The following STPG2 variants were observed in gnomAD, a reference collection of about 807,000 sequenced individuals.
STPG2 encodes sperm-tail PG-rich repeat-containing protein 2.
Under a neutral mutation model 54.2 loss-of-function variants are expected in STPG2, and 56 were observed. The observed-to-expected ratio is 1.03, with a 90% confidence interval of 0.83 to 1.29. The LOEUF (loss-of-function observed/expected upper bound fraction) is 1.29. Among genes scored for constraint, STPG2 ranks in the 50% most tolerant of loss-of-function variants. STPG2 has a pLI of 0.00. For missense variants in STPG2, 596 were observed against 544.9 expected, an observed-to-expected ratio of 1.09 and a Z score of -0.93; for synonymous variants, 200 against 181.8, an observed-to-expected ratio of 1.10 and a Z score of -0.81.
At chr4:97,965,292 G>T (rs1271311206) in intron 7 of STPG2, among the ~76,000 whole-genome samples, 1 of 152,188 alleles carries the variant, frequency 6.6e-6, no homozygotes, top group Non-Finnish European at 1.5e-5. Context: ...AGGGGGAGGG[G>T]TGTCTGCCAT....
chr4:97,914,541 C>G (rs1731802552), intron 8 of STPG2, among the ~76,000 whole-genome samples: 1 of 152,128 alleles, frequency 6.6e-6, no homozygotes, highest in Non-Finnish European at 1.5e-5. Context: ...ACCTCCAAAA[C>G]TTTCCATCTT....
chr4:97,529,144 TGA>T (rs964140494), intron 4 of STPG2, among the ~76,000 whole-genome samples: 1 of 152,210 alleles, frequency 6.6e-6, no homozygotes, highest in African/African-American at 2.4e-5. Flanking sequence ...CTTATTATTT[TGA>T]GATACATTCC....
At chr4:97,708,007 A>G (rs571026503) in intron 10 of STPG2, among the ~76,000 whole-genome samples, 1 of 152,128 alleles carries the variant, frequency 6.6e-6, no homozygotes, top group Non-Finnish European at 1.5e-5. Flanking sequence ...ATGAGTGGTT[A>G]TGTTGAAATT....
In STPG2 at chr4:97,505,043, AT is replaced by A. The variant is rs532296659; in HGVS notation, c.462+207655del. On this transcript the variant is annotated intron_variant, in intron 4 of 4. Transcript: ENST00000522676. ...ACAAATGGTTGTCTGTTACAGTGGT[AT>A]TTTTTTTTTTCATTTAGATAATCTA... is the stretch of plus-strand genomic sequence containing the variant. Among the ~76,000 whole-genome samples, 196 of 148,114 alleles carry A rather than the reference AT, an allele frequency of 1.3e-3. 1 individual carries two copies. Among genetic ancestry groups the A allele is most frequent in the Admixed American group, 5.0e-3 (74 of 14,810 alleles).
At chr4:97,635,216 C>G (rs1295861199) in intron 10 of STPG2, among the ~76,000 whole-genome samples, 1 of 152,078 alleles carries the variant, frequency 6.6e-6, no homozygotes, top group Non-Finnish European at 1.5e-5. Flanking sequence ...ATTTTCAACC[C>G]AGAATTTCAT....
intron 8 of STPG2, among the ~76,000 whole-genome samples, chr4:97,938,661 G>T (rs1468612745): frequency 6.6e-6 from 1 of 152,182 alleles, no homozygotes; most frequent in African/African-American, 2.4e-5. Flanking sequence ...AGCTTCCCAG[G>T]CTGGATGGCA....
rs1315863946 is a variant in STPG2, at chr4:97,840,823, G to A, written c.1154C>T (p.Ser385Phe). 9 of 1,611,992 alleles carry A rather than the reference G, an allele frequency of 5.6e-6. No individual in the cohort carries two copies. The highest frequency in any genetic ancestry group is 7.6e-6 in the Non-Finnish European group (9 of 1,178,548). ...GCACCGAGGAGTTGCACTAAGAAAA[G>A]AGGCATGTTTTCTTTTAGCCACTAA... ...RSLVAKRKHA[S>F]FLSATPRCLE... The change falls in exon 9 of 11, where the codon TCT (serine) becomes TTT (phenylalanine). Residue 385 changes from serine (S) to phenylalanine (F), a missense_variant. By Grantham distance (155) the Ser-to-Phe change is radical (BLOSUM62 -2). Transcript: ENST00000295268.
At chr4:98,081,622 G>A (rs1169459961) in intron 5 of STPG2, among the ~76,000 whole-genome samples, 2 of 152,214 alleles carry the variant, frequency 1.3e-5, no homozygotes, top group East Asian at 1.9e-4. Flanking sequence ...AGTTAAAGAC[G>A]TGGCTAAACA....
chr4:97,444,986 G>A (rs1185990640), intron 4 of STPG2, among the ~76,000 whole-genome samples: 2 of 152,094 alleles, frequency 1.3e-5, no homozygotes, highest in Admixed American at 6.6e-5. Flanking sequence ...GCAGTGAGTG[G>A]AGATCGTGCC....
intron 8 of STPG2, among the ~76,000 whole-genome samples, chr4:97,935,559 C>T (rs571606415): frequency 6.6e-6 from 1 of 152,266 alleles, no homozygotes; most frequent in South Asian, 2.1e-4. Flanking sequence ...TAGCTGCTTT[C>T]CAGAGCTTCT....
chr4:98,118,760 T>C (rs906439086), intron 3 of STPG2, among the ~76,000 whole-genome samples: 6 of 152,140 alleles, frequency 3.9e-5, no homozygotes, highest in African/African-American at 1.4e-4. Context: ...TATCTTTTTA[T>C]GCCAGAAAGT....
intron 8 of STPG2, among the ~76,000 whole-genome samples, chr4:97,878,765 T>A (rs990391174): frequency 1.3e-5 from 2 of 152,202 alleles, no homozygotes; most frequent in African/African-American, 4.8e-5. Flanking sequence ...GTCTGGGGGA[T>A]TAACATTTGG....
chr4:97,803,200 T>C (rs1727449958), intron 9 of STPG2, among the ~76,000 whole-genome samples: 1 of 152,148 alleles, frequency 6.6e-6, no homozygotes, highest in Non-Finnish European at 1.5e-5. Context: ...CCAAAATATA[T>C]ATGGAGGGGG....
chr4:97,689,196 A>C (rs550295558), intron 10 of STPG2, among the ~76,000 whole-genome samples: 1 of 152,134 alleles, frequency 6.6e-6, no homozygotes, highest in Non-Finnish European at 1.5e-5. Flanking sequence ...ATGATGTAAA[A>C]CTTTTTGTAT....
rs566265403 is a variant in STPG2 at position 98,087,128 on chromosome 4, C to T, written c.612+18825G>A. Among the ~76,000 whole-genome samples the T allele has an allele frequency of 3.9e-5, 6 of 152,226 alleles. No homozygotes were observed. The South Asian group carries it at 1.2e-3, about 32-fold the overall frequency. On this transcript the variant is annotated intron_variant, in intron 5 of 10. Coordinates refer to ENST00000295268, the MANE Select transcript of STPG2 (RefSeq NM_174952.3). ...TTTATTTAAGGAATCAACCTAGAAT[C>T]TTGCATGGGCTGGATATATTATTAT... is the stretch of plus-strand genomic sequence containing the variant.
At chr4:97,587,250 T>C (rs1532993) in intron 10 of STPG2, among the ~76,000 whole-genome samples, 78,018 of 151,654 alleles carry the variant, frequency 0.51, 21,185 homozygotes, top group South Asian at 0.65. Flanking sequence ...ATTTCAAATA[T>C]TAAAGTAATT....
intron 1 of STPG2, among the ~76,000 whole-genome samples, chr4:98,142,544 G>A (rs1384141811): frequency 2.1e-5 from 3 of 144,664 alleles, no homozygotes; most frequent in Non-Finnish European, 4.7e-5. Context: ...TAAAAGAGAT[G>A]AGGACGGTCA....
At chr4:97,927,358 A>G (rs1732371574) in intron 8 of STPG2, among the ~76,000 whole-genome samples, 1 of 152,088 alleles carries the variant, frequency 6.6e-6, no homozygotes, top group South Asian at 2.1e-4. Flanking sequence ...TCACTAGCCA[A>G]TGATTGCCCT....
At chr4:97,892,000 G>A (rs1730790112) in intron 8 of STPG2, among the ~76,000 whole-genome samples, 1 of 151,990 alleles carries the variant, frequency 6.6e-6, no homozygotes. Context: ...CTATTCCCAT[G>A]GTACCCCACT....
Sources: allele counts gnomAD v4.1 joint callset (sites outside exome capture counted in the v4.1 genomes callset), GRCh38; gene constraint gnomAD v4.1.1; transcripts MANE v1.5; gene names NCBI Gene and HGNC (gene_info 2026-07-23, HGNC 2026-07-21).